Variants in COQ9 observed in about 807,000 individuals in gnomAD.
COQ9 encodes coenzyme Q9, also known as ubiquinone biosynthesis protein COQ9, mitochondrial.
Under a neutral mutation model 42.4 loss-of-function variants are expected in COQ9, and 35 were observed. That is an observed-to-expected ratio of 0.83 (90% CI 0.63 to 1.10). COQ9 has a LOEUF of 1.10. COQ9 is among the 50% of genes least tolerant of loss of function. COQ9 has a pLI of 0.00. For missense variants in COQ9, 406 were observed against 414.6 expected (o/e 0.98, Z 0.18); for synonymous variants, 155 against 155.1 (o/e 1.00, Z 0.00).
Position 57,447,597 on chromosome 16 carries a change from CG to C in COQ9, c.73+23del, listed in dbSNP as rs2146581643. 2 of 1,245,750 alleles carry C rather than the reference CG, an allele frequency of 1.6e-6. No homozygotes were observed. The highest frequency in any genetic ancestry group is 1.0e-6 in the Non-Finnish European group (1 of 993,072). The allele number at this position is 1,245,750 out of a possible 1,614,324, so 77.2% of individuals were successfully genotyped here. ...CTGCCCGGTGAGGGGGCTGCCAAGC[CG>C]GGGAGAGGCGGGGAGCGCGGAGGGG... is the stretch of plus-strand genomic sequence containing the variant. On this transcript the variant is annotated intron_variant, in intron 1 of 8. Transcript: ENST00000262507.
intron 3 of COQ9, among the ~76,000 whole-genome samples, chr16:57,455,598 C>G (rs2030384451): frequency 6.6e-6 from 1 of 151,860 alleles, no homozygotes; most frequent in Admixed American, 6.6e-5. Context: ...GATTAAGCAG[C>G]TAGACATTGG....
Position 57,456,500 on chromosome 16 carries a change from G to T in COQ9, c.379-4G>T. The T allele has an allele frequency of 6.2e-7, 1 of 1,614,090 alleles. No individual in the cohort carries two copies. Among genetic ancestry groups the T allele is most frequent in the Admixed American group, 1.7e-5 (1 of 60,012 alleles). Reference sequence around the variant, plus strand: ...TTTTCTGTTTTCTGTCTCCCCTTTTGTAGTCTCTGGGTCTCTCCAGTGCAG... The same window carrying T: ...TTTTCTGTTTTCTGTCTCCCCTTTTTTAGTCTCTGGGTCTCTCCAGTGCAG... On this transcript the variant is annotated splice_region_variant and splice_polypyrimidine_tract_variant and intron_variant, in intron 3 of 8. Coordinates refer to ENST00000262507, the MANE Select transcript of COQ9 (RefSeq NM_020312.4).
At chr16:57,458,116 G>C (rs555292725) in intron 5 of COQ9, 130 bp from the exon 6 acceptor site, 7 of 727,568 alleles carry the variant, frequency 9.6e-6, no homozygotes, top group Non-Finnish European at 1.5e-5. Context: ...ACGCCAGTGG[G>C]TGAAGATGCT....
Position 57,457,412 on chromosome 16 carries a change from C to G in COQ9, c.606+397C>G, listed in dbSNP as rs189870201. 3.5e-4 allele frequency: 119 copies of G among 342,740 alleles called. 2 individuals carry two copies. Among genetic ancestry groups the G allele is most frequent in the Admixed American group, 1.7e-3 (41 of 24,502 alleles). The allele number at this position is 342,740 out of a possible 1,614,324, so 21.2% of individuals were successfully genotyped here. A position where few individuals can be genotyped will look rare whatever the true frequency, so the allele number is the denominator to read the frequency against. ...TTAGATCTCGAGCACTGGGATTTGT[C>G]AATTGTCAATGTGATGCTTGGGGAC... is the stretch of plus-strand genomic sequence containing the variant. On this transcript the variant is annotated intron_variant, in intron 5 of 8. Coordinates refer to ENST00000262507, the MANE Select transcript of COQ9 (RefSeq NM_020312.4).
In COQ9 at chr16:57,456,929, A is replaced by C; in HGVS notation, c.522-2A>C. 1 of 1,609,270 alleles carries C rather than the reference A, an allele frequency of 6.2e-7. No homozygotes were observed. Among genetic ancestry groups the C allele is most frequent in the Non-Finnish European group, 8.5e-7 (1 of 1,175,528 alleles). ...CACACTGTTTTCTTTTCCCTCTTCCAGGAAGAGGAAGACAGACCAGTTCCT... is the reference window on the plus strand; with the variant it reads ...CACACTGTTTTCTTTTCCCTCTTCCCGGAAGAGGAAGACAGACCAGTTCCT... On this transcript the variant is annotated splice_acceptor_variant, in intron 4 of 8. Coordinates refer to ENST00000262507, the MANE Select transcript of COQ9 (RefSeq NM_020312.4). LOFTEE classifies it high-confidence loss of function.
At chr16:57,447,879 G>T (rs1468136488) in intron 1 of COQ9, 6 of 304,798 alleles carry the variant, frequency 2.0e-5, no homozygotes, top group Non-Finnish European at 3.6e-5. Flanking sequence ...TTACAGAACT[G>T]GCAGTCGCAG....
Position 57,460,056 on chromosome 16 carries a change from G to A in COQ9, c.873G>A (p.Lys291=), listed in dbSNP as rs1220072850. The part of the protein sequence containing the change: ...MNMGHTAKQV[K]STGEALVQGL... The stretch of plus-strand genomic sequence containing the variant: ...CTGACACTGACTCCTTCTAGGTAAA[G>A]TCCACAGGAGAGGCACTGGTGCAAG... Residue 291 remains lysine (K), a synonymous_variant, in exon 8 of 9, where the codon AAG becomes AAA. Transcript: ENST00000262507. The A allele has an allele frequency of 6.2e-6, 10 of 1,614,096 alleles. No individual in the cohort carries two copies. The highest frequency in any genetic ancestry group is 7.6e-6 in the Non-Finnish European group (9 of 1,180,014).
At chr16:57,456,441 CA>C (rs2030403713) in intron 3 of COQ9, 62 bp from the exon 4 acceptor site, 1 of 1,574,564 alleles carries the variant, frequency 6.4e-7, no homozygotes, top group Non-Finnish European at 8.7e-7. Context: ...TAGTGATGAA[CA>C]GGCAACAAAT....
intron 1 of COQ9, among the ~76,000 whole-genome samples, chr16:57,449,371 G>C (rs189046011): frequency 5.3e-5 from 8 of 152,288 alleles, no homozygotes; most frequent in Middle Eastern, 3.4e-3. Context: ...AGTCTTTATA[G>C]GCCAAGGTTG....
intron 1 of COQ9, 125 bp downstream of exon 1, chr16:57,447,703 G>A (rs1471783620): frequency 3.5e-6 from 3 of 851,850 alleles, no homozygotes; most frequent in Non-Finnish European, 4.7e-6. Flanking sequence ...TGAGGTGAAG[G>A]GCATCGGCGC....
At chr16:57,460,465 C>T (rs1030117141) in intron 8 of COQ9, 124 bp from the exon 9 acceptor site, 18 of 970,622 alleles carry the variant, frequency 1.9e-5, no homozygotes, top group Non-Finnish European at 2.8e-5. Flanking sequence ...GCCAACATAG[C>T]AAAACCCTGT....
At chr16:57,448,805 T>C (rs2030205954) in intron 1 of COQ9, among the ~76,000 whole-genome samples, 1 of 151,998 alleles carries the variant, frequency 6.6e-6, no homozygotes, top group Non-Finnish European at 1.5e-5. Flanking sequence ...AATGAAGGTA[T>C]GTGTCTACAA....
At chr16:57,453,098 A>G in intron 3 of COQ9, 162 bp downstream of exon 3, 3 of 857,826 alleles carry the variant, frequency 3.5e-6, no homozygotes, top group South Asian at 1.4e-5. Flanking sequence ...AACTGGCTTT[A>G]TTTTGTAGTT....
intron 6 of COQ9, among the ~76,000 whole-genome samples, chr16:57,458,775 G>A (rs2030462475): frequency 6.6e-6 from 1 of 152,194 alleles, no homozygotes; most frequent in Non-Finnish European, 1.5e-5. Flanking sequence ...GCTTTGCTAA[G>A]TGATCAATAA....
At chr16:57,454,500 A>G (rs1270816247) in intron 3 of COQ9, among the ~76,000 whole-genome samples, 1 of 152,182 alleles carries the variant, frequency 6.6e-6, no homozygotes, top group Non-Finnish European at 1.5e-5. Context: ...TCTACAAAAA[A>G]TACAAAAATT....
At position 57,452,968 on chromosome 16, in the gene COQ9, C is replaced by G. The variant is rs780548905; in HGVS notation, c.378+32C>G. ...ATAGGTGAGGGTGGGGCCACCTAAC[C>G]AAGATGAGCCAGGATGGAGTCACAC... On this transcript the variant is annotated intron_variant, in intron 3 of 8. Coordinates refer to ENST00000262507, the MANE Select transcript of COQ9 (RefSeq NM_020312.4). 7 of 1,612,472 alleles carry G rather than the reference C, an allele frequency of 4.3e-6. No individual in the cohort carries two copies. The South Asian group carries it at 6.6e-5, about 15-fold the overall frequency.
chr16:57,460,277 T>C (rs1247575999), intron 8 of COQ9, among the ~76,000 whole-genome samples, 173 bp downstream of exon 8: 1 of 152,186 alleles, frequency 6.6e-6, no homozygotes, highest in Non-Finnish European at 1.5e-5. Context: ...CACTTCTTTA[T>C]TTTTTCCTGT....
intron 2 of COQ9, 119 bp from the exon 3 acceptor site, chr16:57,452,682 A>G: frequency 8.4e-7 from 1 of 1,196,334 alleles, no homozygotes; most frequent in South Asian, 1.2e-5. Context: ...TGATAGTGAC[A>G]CAAGAGTAAA....
chr16:57,451,902 G>A (rs2030297723), intron 2 of COQ9, among the ~76,000 whole-genome samples: 2 of 152,190 alleles, frequency 1.3e-5, no homozygotes, highest in Admixed American at 6.5e-5. Flanking sequence ...GGAGCACTGA[G>A]TCAAAGGATA....
Sources: gnomAD v4.1 joint callset for allele counts (sites outside exome capture counted in the v4.1 genomes callset) on GRCh38, gnomAD v4.1.1 for gene constraint, MANE v1.5 for transcripts, NCBI Gene and HGNC (gene_info 2026-07-23, HGNC 2026-07-21) for gene names.